Variants in PDE1C observed in about 807,000 individuals in gnomAD.
PDE1C encodes the protein phosphodiesterase 1C, also known as dual specificity calcium/calmodulin-dependent 3',5'-cyclic nucleotide phosphodiesterase 1C.
In PDE1C, 62 loss-of-function variants were observed where a neutral mutation model predicts 93.1. The ratio of observed to expected loss-of-function variants is 0.67; its 90% CI spans 0.54 to 0.82. PDE1C has a LOEUF of 0.82. Among genes scored for constraint, PDE1C ranks in the 40% least tolerant of loss-of-function variants. The probability of loss-of-function intolerance (pLI) is 0.00; values close to 1 mark genes in which losing one functional copy is unlikely to be tolerated. For missense variants in PDE1C, 742 were observed against 884.6 expected (o/e 0.84, Z 2.04); for synonymous variants, 325 against 310.1 (o/e 1.05, Z -0.50).
chr7:31,639,633 T>C, the PDE1C span, among the ~76,000 whole-genome samples: 1 of 149,650 alleles, frequency 6.7e-6, no homozygotes, highest in Non-Finnish European at 1.5e-5. Flanking sequence ...GCCTCCCGGG[T>C]TCATGCCATT....
intron 1 of PDE1C, among the ~76,000 whole-genome samples, chr7:32,330,287 C>T (rs955977065): frequency 4.6e-5 from 7 of 152,236 alleles, no homozygotes; most frequent in Non-Finnish European, 7.3e-5. Context: ...CAAGCTTGCA[C>T]TCAGCCCTCT....
chr7:31,758,707 C>A (rs1415858833), intron 17 of PDE1C, among the ~76,000 whole-genome samples: 1 of 152,104 alleles, frequency 6.6e-6, no homozygotes, highest in South Asian at 2.1e-4. Context: ...TTTATTAGAT[C>A]TCAGAGTGCT....
intron 15 of PDE1C, among the ~76,000 whole-genome samples, chr7:31,809,313 T>C (rs980350602): frequency 6.6e-6 from 1 of 152,082 alleles, no homozygotes; most frequent in Non-Finnish European, 1.5e-5. Flanking sequence ...AAAGTTCTTG[T>C]TAAACAGAGT....
chr7:32,278,841 T>C (rs768789084), intron 1 of PDE1C, among the ~76,000 whole-genome samples: 1 of 152,080 alleles, frequency 6.6e-6, no homozygotes, highest in Non-Finnish European at 1.5e-5. Flanking sequence ...AAGTAACCGA[T>C]AATGAAAAAT....
chr7:32,112,844 GTGTATATATATATATATATATA>G (rs1415991399), intron 3 of PDE1C, among the ~76,000 whole-genome samples: 4 of 54,142 alleles, frequency 7.4e-5, no homozygotes, highest in African/African-American at 2.8e-4. Flanking sequence ...GTGTGTGTGT[GTGTATATATATATATATATATA>G]TATATATCTC....
intron 1 of PDE1C, among the ~76,000 whole-genome samples, chr7:32,264,877 G>T (rs565926343): frequency 1.3e-5 from 2 of 152,248 alleles, no homozygotes; most frequent in African/African-American, 4.8e-5. Flanking sequence ...TTTCAAGAAG[G>T]CTTTTCCAAA....
intron 1 of PDE1C, among the ~76,000 whole-genome samples, chr7:32,231,272 C>A (rs970412527): frequency 2.6e-5 from 4 of 152,030 alleles, no homozygotes; most frequent in African/African-American, 9.7e-5. Context: ...AGATGTTCAC[C>A]AGCTTAGAGT....
intron 7 of PDE1C, among the ~76,000 whole-genome samples, chr7:31,855,901 C>G (rs1177515568): frequency 6.6e-6 from 1 of 150,752 alleles, no homozygotes; most frequent in Non-Finnish European, 1.5e-5. Context: ...TCACCTAAAT[C>G]AAAAGTACAC....
At chr7:32,058,279 C>T (rs1381851513) in intron 1 of PDE1C, among the ~76,000 whole-genome samples, 1 of 152,170 alleles carries the variant, frequency 6.6e-6, no homozygotes, top group Non-Finnish European at 1.5e-5. Flanking sequence ...CAGACCGCTT[C>T]GGAAAGCTTG....
intron 1 of PDE1C, among the ~76,000 whole-genome samples, chr7:32,377,120 C>T (rs1784446097): frequency 6.6e-6 from 1 of 152,086 alleles, no homozygotes; most frequent in Non-Finnish European, 1.5e-5. Context: ...CCCAGTAAGG[C>T]TAGGGAATGA....
chr7:31,871,692 TAAAAA>T (rs35043161), intron 6 of PDE1C, among the ~76,000 whole-genome samples: 1 of 141,548 alleles, frequency 7.1e-6, no homozygotes, highest in African/African-American at 2.6e-5. Flanking sequence ...CTGTTATGGT[TAAAAA>T]AAAAAAAAAG....
rs534624461 is a variant in PDE1C at position 32,129,985 on chromosome 7, T to G, written c.308+39800A>C. ...TTTAAGCTTCCAAGTTTTTCTTCCC[T>G]GTTACCTGGAAACAATGTACCTCCC... is the stretch of plus-strand genomic sequence containing the variant. On this transcript the variant is annotated intron_variant, in intron 3 of 18. Transcript: ENST00000396193. 3.9e-5 allele frequency among the ~76,000 whole-genome samples: 6 copies of G among 152,242 alleles called. No homozygotes were observed. In the South Asian group the frequency reaches 1.2e-3, roughly 32 times the overall value.
chr7:32,119,161 T>A (rs1302365484), intron 3 of PDE1C, among the ~76,000 whole-genome samples: 1 of 152,162 alleles, frequency 6.6e-6, no homozygotes, highest in Non-Finnish European at 1.5e-5. Flanking sequence ...ATCCTCTATT[T>A]ATGCTCAAAT....
intron 1 of PDE1C, among the ~76,000 whole-genome samples, chr7:32,396,340 T>C (rs1784839025): frequency 6.6e-6 from 1 of 151,972 alleles, no homozygotes; most frequent in Non-Finnish European, 1.5e-5. Context: ...TGGCTGGGCA[T>C]GGTGGTGCGT....
At chr7:31,969,262 C>T (rs767217193) in intron 2 of PDE1C, among the ~76,000 whole-genome samples, 261 of 151,986 alleles carry the variant, frequency 1.7e-3, no homozygotes, top group Non-Finnish European at 3.0e-3. Flanking sequence ...GGCTAATATC[C>T]AGAATCTACA....
chr7:32,099,077 A>G (rs1392012102), intron 3 of PDE1C, among the ~76,000 whole-genome samples: 1 of 152,226 alleles, frequency 6.6e-6, no homozygotes, highest in Non-Finnish European at 1.5e-5. Flanking sequence ...GGGGACAGCA[A>G]TTAATTATTC....
At chr7:31,794,736 G>C (rs966657269) in intron 16 of PDE1C, among the ~76,000 whole-genome samples, 2 of 151,940 alleles carry the variant, frequency 1.3e-5, no homozygotes, top group African/African-American at 4.8e-5. Context: ...GTGCAGGTGA[G>C]GGTAGAGTTA....
At chr7:31,632,066 C>T in the PDE1C span, among the ~76,000 whole-genome samples, 39 of 152,302 alleles carry the variant, frequency 2.6e-4, no homozygotes, top group Non-Finnish European at 4.3e-4. Context: ...TTATTCTCTT[C>T]AGAATATTAA....
At chr7:31,755,572 C>A (rs371563406) in intron 17 of PDE1C, among the ~76,000 whole-genome samples, 3 of 150,846 alleles carry the variant, frequency 2.0e-5, no homozygotes, top group African/African-American at 4.9e-5. Flanking sequence ...TTGAAGTGTT[C>A]AAAAAAAACA....
Sources: allele counts gnomAD v4.1 joint callset (sites outside exome capture counted in the v4.1 genomes callset), GRCh38; gene constraint gnomAD v4.1.1; transcripts MANE v1.5; gene names NCBI Gene and HGNC (gene_info 2026-07-23, HGNC 2026-07-21).